The following MCUB variants were observed in gnomAD, a reference collection of about 807,000 sequenced individuals.
The protein encoded by MCUB is mitochondrial calcium uniporter dominant negative subunit beta.
In MCUB, 46 loss-of-function variants were observed where a neutral mutation model predicts 41.4. The observed-to-expected ratio is 1.11, with a 90% CI of 0.88 to 1.42. The LOEUF is 1.42. Among genes scored for constraint, MCUB ranks in the 40% most tolerant of loss-of-function variants. The probability of loss-of-function intolerance (pLI) is 0.00; values close to 1 mark genes in which losing one functional copy is unlikely to be tolerated. For missense variants in MCUB, 403 were observed against 404.9 expected (o/e 1.00, Z 0.04); for synonymous variants, 148 against 148.2 (o/e 1.00, Z 0.01).
chr4:109,652,484 A>G (rs547074000), intron 1 of MCUB, among the ~76,000 whole-genome samples: 1 of 152,336 alleles, frequency 6.6e-6, no homozygotes, highest in South Asian at 2.1e-4. Context: ...AAATGTATTT[A>G]GTTCACAGTT....
At chr4:109,578,611 T>C (rs1422455092) in intron 1 of MCUB, among the ~76,000 whole-genome samples, 1 of 152,152 alleles carries the variant, frequency 6.6e-6, no homozygotes. Flanking sequence ...GCAGTCCTTC[T>C]GCCTCAGTCT....
At chr4:109,587,697 A>G (rs1727344133) in intron 1 of MCUB, among the ~76,000 whole-genome samples, 1 of 152,192 alleles carries the variant, frequency 6.6e-6, no homozygotes, top group Admixed American at 6.5e-5. Context: ...AGATTTTAGT[A>G]AGAAACAATC....
rs17040546 is a variant in MCUB, at chr4:109,575,048, C to T, written c.99+14612C>T. Among the ~76,000 whole-genome samples, 1,312 of 152,224 alleles carry T rather than the reference C, an allele frequency of 8.6e-3. 22 individuals are homozygous for T. Among genetic ancestry groups the T allele is most frequent in the African/African-American group, 0.03 (1,235 of 41,524 alleles). On this transcript the variant is annotated intron_variant, in intron 1 of 7. Transcript: ENST00000394650. ...AGGAGCATTTGAGACCCAGGGCTGC[C>T]GCAGGTCAGAATGGAAGCTGAGGTG...
intron 1 of MCUB, among the ~76,000 whole-genome samples, chr4:109,604,875 C>A (rs892581711): frequency 2.0e-5 from 3 of 152,128 alleles, no homozygotes; most frequent in African/African-American, 7.2e-5. Flanking sequence ...AAAAACCCAC[C>A]TGGTCATGGT....
chr4:109,588,999 G>A (rs557207690), intron 1 of MCUB, among the ~76,000 whole-genome samples: 1 of 152,112 alleles, frequency 6.6e-6, no homozygotes, highest in Admixed American at 6.6e-5. Flanking sequence ...AATGAGAAGG[G>A]ACTTGTCCTA....
At chr4:109,644,050 T>G (rs1459793728) in intron 1 of MCUB, among the ~76,000 whole-genome samples, 1 of 152,134 alleles carries the variant, frequency 6.6e-6, no homozygotes, top group Non-Finnish European at 1.5e-5. Context: ...GTACATTATA[T>G]TCAGTGGATT....
At chr4:109,619,026 G>GCCTACCTA (rs1431170129) in intron 1 of MCUB, among the ~76,000 whole-genome samples, 1 of 128,736 alleles carries the variant, frequency 7.8e-6, no homozygotes, top group Non-Finnish European at 1.6e-5. Flanking sequence ...CTATCTACCT[G>GCCTACCTA]CCTGCCTACC....
intron 3 of MCUB, among the ~76,000 whole-genome samples, chr4:109,661,431 G>C (rs2126144894): frequency 6.6e-6 from 1 of 152,254 alleles, no homozygotes; most frequent in Non-Finnish European, 1.5e-5. Flanking sequence ...TTAAAAGATA[G>C]AGAAGTTGGA....
At chr4:109,600,515 T>G (rs1447342680) in intron 1 of MCUB, among the ~76,000 whole-genome samples, 1 of 152,212 alleles carries the variant, frequency 6.6e-6, no homozygotes, top group Non-Finnish European at 1.5e-5. Flanking sequence ...AAAGCCATTT[T>G]AAGGATCAGT....
At chr4:109,656,537 A>C (rs1345612181) in intron 1 of MCUB, among the ~76,000 whole-genome samples, 1 of 151,330 alleles carries the variant, frequency 6.6e-6, no homozygotes, top group Non-Finnish European at 1.5e-5. Context: ...CCACCATGCC[A>C]GACTTTTTCT....
At chr4:109,625,142 A>G (rs540626373) in intron 1 of MCUB, among the ~76,000 whole-genome samples, 107 of 152,264 alleles carry the variant, frequency 7.0e-4, no homozygotes, top group African/African-American at 2.4e-3. Context: ...TCTGTCTCAA[A>G]AAACAAAAAA....
In MCUB at chr4:109,659,088, TA is replaced by T; in HGVS notation, c.175+4del. On this transcript the variant is annotated splice_donor_region_variant and intron_variant, in intron 2 of 7. Transcript: ENST00000394650. ...ATAGTACCGTGGTGCCACCTGATGG[TA>T]AGCTTTCTTACCATTTATTTGATTC... 1 of 1,422,420 alleles carries T rather than the reference TA, an allele frequency of 7.0e-7. No homozygotes were observed. The highest frequency in any genetic ancestry group is 9.7e-7 in the Non-Finnish European group (1 of 1,028,922). The allele number at this position is 1,422,420 out of a possible 1,614,324, so 88.1% of individuals were successfully genotyped here.
At chr4:109,575,273 C>T (rs1324393567) in intron 1 of MCUB, among the ~76,000 whole-genome samples, 1 of 152,170 alleles carries the variant, frequency 6.6e-6, no homozygotes. Context: ...CAAGGAAAAG[C>T]TTTGGCTTAT....
In MCUB at chr4:109,597,337, AC is replaced by A. The variant is rs1403221857; in HGVS notation, c.99+36902del. Among the ~76,000 whole-genome samples, 37 of 150,696 alleles carry A rather than the reference AC, an allele frequency of 2.5e-4. 4 individuals are homozygous for A. Among genetic ancestry groups the A allele is most frequent in the African/African-American group, 7.1e-4 (29 of 41,008 alleles). On this transcript the variant is annotated intron_variant, in intron 1 of 7. Coordinates refer to ENST00000394650, the MANE Select transcript of MCUB (RefSeq NM_017918.5). Reference sequence around the variant, plus strand: ...GGCAGAGGTGCCCCTCACCTCCCAGACGGGGCGGCTGGCCGGGCGGGGGGCT... The same window carrying A: ...GGCAGAGGTGCCCCTCACCTCCCAGAGGGGCGGCTGGCCGGGCGGGGGGCT...
intron 1 of MCUB, among the ~76,000 whole-genome samples, chr4:109,566,761 C>G (rs1284682529): frequency 6.6e-6 from 1 of 152,196 alleles, no homozygotes; most frequent in Non-Finnish European, 1.5e-5. Context: ...GCTAAGTTCA[C>G]AGAGCTAAGT....
intron 1 of MCUB, among the ~76,000 whole-genome samples, chr4:109,576,094 A>G (rs1727020469): frequency 3.3e-5 from 5 of 152,236 alleles, no homozygotes; most frequent in Admixed American, 3.3e-4. Flanking sequence ...TGGACCAAGA[A>G]GCAGTAACAA....
At chr4:109,648,723 G>GAAA in intron 1 of MCUB, 1 of 155,914 alleles carries the variant, frequency 6.4e-6, no homozygotes, top group Non-Finnish European at 1.1e-5. Context: ...GTACAGAGAA[G>GAAA]CAAAAAAAAA....
chr4:109,619,060 C>A (rs959846560), intron 1 of MCUB, among the ~76,000 whole-genome samples: 1 of 150,580 alleles, frequency 6.6e-6, no homozygotes, highest in Non-Finnish European at 1.5e-5. Context: ...ACCTACCTAC[C>A]TACCTACCTA....
At chr4:109,627,997 T>C (rs529643509) in intron 1 of MCUB, among the ~76,000 whole-genome samples, 24 of 151,752 alleles carry the variant, frequency 1.6e-4, no homozygotes, top group African/African-American at 5.1e-4. Context: ...ATATAACATA[T>C]AAGTCATTTG....
Sources: allele counts gnomAD v4.1 joint callset (sites outside exome capture counted in the v4.1 genomes callset), GRCh38; gene constraint gnomAD v4.1.1; transcripts MANE v1.5; gene names NCBI Gene and HGNC (gene_info 2026-07-23, HGNC 2026-07-21).